The following POU2F1 variants were observed in gnomAD, a reference collection of about 807,000 sequenced individuals.
The protein encoded by POU2F1 is POU class 2 homeobox 1.
POU2F1 carries 16 observed loss-of-function variants against 84.9 expected under a neutral mutation model. That is an observed-to-expected ratio of 0.19 (90% CI 0.13 to 0.29). The LOEUF (loss-of-function observed/expected upper bound fraction) is 0.29, where lower values mean the gene tolerates loss of function less well. POU2F1 is among the 10% of genes least tolerant of loss of function. The pLI is 1.00. For synonymous variants in POU2F1, 368 were observed against 368.3 expected (o/e 1.00, Z 0.01); for missense variants, 738 against 942.6 (o/e 0.78, Z 2.84).
chr1:167,398,317 G>A (rs1331023511), intron 11 of POU2F1, among the ~76,000 whole-genome samples, 184 bp downstream of exon 11: 1 of 152,196 alleles, frequency 6.6e-6, no homozygotes, highest in African/African-American at 2.4e-5. Flanking sequence ...GCAGGGTTCA[G>A]GAGAGACTAG....
chr1:167,353,713 TTTA>T (rs2101795538), intron 2 of POU2F1, among the ~76,000 whole-genome samples: 1 of 152,296 alleles, frequency 6.6e-6, no homozygotes, highest in East Asian at 1.9e-4. Flanking sequence ...TGCACTTTTT[TTTA>T]TTGTTGATTC....
At chr1:167,283,221 T>C (rs1653282283) in intron 1 of POU2F1, among the ~76,000 whole-genome samples, 1 of 152,156 alleles carries the variant, frequency 6.6e-6, no homozygotes, top group Non-Finnish European at 1.5e-5. Context: ...CATTGATACT[T>C]GGCTAAGTCC....
intron 13 of POU2F1, among the ~76,000 whole-genome samples, chr1:167,409,011 C>A (rs1649778169): frequency 6.6e-6 from 1 of 152,056 alleles, no homozygotes; most frequent in Non-Finnish European, 1.5e-5. Flanking sequence ...GCTTTTGAAG[C>A]GCAAAAGATT....
intron 1 of POU2F1, among the ~76,000 whole-genome samples, chr1:167,252,114 G>A (rs1047362705): frequency 1.6e-4 from 24 of 151,590 alleles, no homozygotes; most frequent in African/African-American, 5.8e-4. Context: ...CACCTGCCTC[G>A]GCCTCCCAAA....
intron 1 of POU2F1, among the ~76,000 whole-genome samples, chr1:167,276,418 A>G (rs911466107): frequency 6.6e-6 from 1 of 152,142 alleles, no homozygotes; most frequent in Non-Finnish European, 1.5e-5. Flanking sequence ...TAATCTTACT[A>G]TGCCTAATTT....
chr1:167,360,843 ATTTG>A (rs1006142343), intron 2 of POU2F1, among the ~76,000 whole-genome samples: 8 of 152,034 alleles, frequency 5.3e-5, no homozygotes, highest in Non-Finnish European at 1.2e-4. Context: ...ATTATTTTCT[ATTTG>A]TTTGTGTCGT....
intron 1 of POU2F1, among the ~76,000 whole-genome samples, chr1:167,299,926 T>C (rs1399904996): frequency 1.3e-5 from 2 of 152,128 alleles, no homozygotes; most frequent in East Asian, 3.9e-4. Context: ...TTCTAATAAG[T>C]TTCCAGGTGA....
intron 1 of POU2F1, among the ~76,000 whole-genome samples, chr1:167,297,922 C>G (rs1253216012): frequency 6.6e-6 from 1 of 151,856 alleles, no homozygotes; most frequent in Non-Finnish European, 1.5e-5. Flanking sequence ...GAGTTCAAGA[C>G]CAGCCTTACC....
At chr1:167,415,297 G>C (rs1368988544) in intron 15 of POU2F1, among the ~76,000 whole-genome samples, 1 of 152,074 alleles carries the variant, frequency 6.6e-6, no homozygotes, top group Non-Finnish European at 1.5e-5. Context: ...AGACATTTCA[G>C]TCTTTTAGGC....
intron 1 of POU2F1, among the ~76,000 whole-genome samples, chr1:167,235,917 A>G (rs566742987): frequency 6.6e-6 from 1 of 152,270 alleles, no homozygotes; most frequent in East Asian, 1.9e-4. Flanking sequence ...ACTTTCTTTA[A>G]CAGAATATAC....
At chr1:167,264,687 C>G (rs1324506848) in intron 1 of POU2F1, among the ~76,000 whole-genome samples, 2 of 152,170 alleles carry the variant, frequency 1.3e-5, no homozygotes, top group African/African-American at 4.8e-5. Context: ...TCAGCTTCCA[C>G]CCTTCCAGCC....
rs573174964 is a variant in POU2F1, at chr1:167,417,768, T to G, written c.*1958T>G. ...CAAGGGAGCTTGGATTCTGTGTACT[T>G]GTCTCTTTCCCATTGTCCAGTAAGG... On this transcript the variant is annotated 3_prime_UTR_variant, in exon 16 of 16. Coordinates refer to ENST00000367866, the MANE Select transcript of POU2F1 (RefSeq NM_002697.4). 1 of 152,230 alleles carries G rather than the reference T, an allele frequency of 6.6e-6. No homozygotes were observed. The highest frequency in any genetic ancestry group is 1.5e-5 in the Non-Finnish European group (1 of 68,044). 9.4% of individuals were successfully genotyped at this position (152,230 alleles called of 1,614,324 possible).
At chr1:167,285,144 C>T (rs947427664) in intron 1 of POU2F1, among the ~76,000 whole-genome samples, 1 of 152,120 alleles carries the variant, frequency 6.6e-6, no homozygotes, top group Non-Finnish European at 1.5e-5. Context: ...GACAATCAGC[C>T]TGAATCTTCT....
At chr1:167,223,084 C>T (rs1010184993) in intron 1 of POU2F1, among the ~76,000 whole-genome samples, 2 of 151,892 alleles carry the variant, frequency 1.3e-5, no homozygotes, top group African/African-American at 4.8e-5. Context: ...ATGGAGCTGA[C>T]GTTAATTTTG....
intron 5 of POU2F1, among the ~76,000 whole-genome samples, chr1:167,372,531 TC>T (rs1660075919): frequency 6.6e-6 from 1 of 152,234 alleles, no homozygotes; most frequent in African/African-American, 2.4e-5. Flanking sequence ...TTACTTCATT[TC>T]CCTCTACCTG....
intron 1 of POU2F1, among the ~76,000 whole-genome samples, chr1:167,257,496 C>T (rs996033619): frequency 2.0e-5 from 3 of 152,114 alleles, no homozygotes; most frequent in East Asian, 1.9e-4. Context: ...ATGTTGGAAC[C>T]GTATAGGGCT....
At chr1:167,291,995 T>C (rs1479909491) in intron 1 of POU2F1, among the ~76,000 whole-genome samples, 1 of 152,106 alleles carries the variant, frequency 6.6e-6, no homozygotes, top group Non-Finnish European at 1.5e-5. Context: ...TACTGACTTG[T>C]TTTCTTTCAA....
At chr1:167,362,873 A>G (rs1214604061) in intron 2 of POU2F1, among the ~76,000 whole-genome samples, 1 of 152,114 alleles carries the variant, frequency 6.6e-6, no homozygotes. Flanking sequence ...TAGATTGGTT[A>G]GTTTGTGTAT....
intron 13 of POU2F1, among the ~76,000 whole-genome samples, chr1:167,411,001 C>T (rs1295582823): frequency 6.6e-6 from 1 of 151,478 alleles, no homozygotes; most frequent in Admixed American, 6.6e-5. Context: ...AAACCAAAAG[C>T]ATATTCAGGC....
Sources: allele counts gnomAD v4.1 joint callset (sites outside exome capture counted in the v4.1 genomes callset), GRCh38; gene constraint gnomAD v4.1.1; transcripts MANE v1.5; gene names NCBI Gene and HGNC (gene_info 2026-07-23, HGNC 2026-07-21).